SUGCT: variants seen among roughly 807,000 people sequenced by gnomAD.
SUGCT encodes the protein succinyl-CoA:glutarate-CoA transferase.
A neutral mutation model predicts 55.0 loss-of-function variants in SUGCT; 41 were observed. The ratio of observed to expected loss-of-function variants is 0.74; its 90% confidence interval spans 0.58 to 0.97. The LOEUF is 0.97. Ranked by LOEUF, SUGCT falls within the 50% of genes least tolerant of loss-of-function variation. SUGCT has a pLI of 0.00. For missense variants in SUGCT, 568 were observed against 547.8 expected, an observed-to-expected ratio of 1.04 and a Z score of -0.37; for synonymous variants, 187 against 200.4, an observed-to-expected ratio of 0.93 and a Z score of 0.56.
At chr7:41,009,614 T>TCCATCCA in the SUGCT span, among the ~76,000 whole-genome samples, 184 of 151,628 alleles carry the variant, frequency 1.2e-3, no homozygotes, top group Non-Finnish European at 2.4e-3. Flanking sequence ...CATCCTTCCT[T>TCCATCCA]CCATCCACCA....
the SUGCT span, among the ~76,000 whole-genome samples, chr7:40,907,398 G>A: frequency 1.3e-5 from 2 of 152,104 alleles, no homozygotes; most frequent in South Asian, 2.1e-4. Flanking sequence ...TAATTGCAAG[G>A]CAAGGCCCAT....
At chr7:40,552,763 TCCCCAC>T (rs898826275) in intron 12 of SUGCT, among the ~76,000 whole-genome samples, 87 of 99,746 alleles carry the variant, frequency 8.7e-4, no homozygotes, top group Middle Eastern at 4.0e-3. Context: ...CAGCCCCCCA[TCCCCAC>T]CCCCACCACC....
chr7:40,746,743 C>T (rs1417613457), intron 12 of SUGCT, among the ~76,000 whole-genome samples: 1 of 152,210 alleles, frequency 6.6e-6, no homozygotes, highest in Admixed American at 6.5e-5. Flanking sequence ...TTGACCTTTA[C>T]CAACTACCCT....
intron 12 of SUGCT, among the ~76,000 whole-genome samples, chr7:40,537,448 T>A (rs558797100): frequency 6.6e-6 from 1 of 152,300 alleles, no homozygotes; most frequent in African/African-American, 2.4e-5. Flanking sequence ...ACTAATTACT[T>A]GAACATAATT....
In SUGCT at chr7:40,639,733, G is replaced by C. The variant is rs181516476; in HGVS notation, c.1090-109701G>C. On this transcript the variant is annotated intron_variant, in intron 12 of 13. Transcript: ENST00000335693. ...TCGCCACATTGGCCAGTCTGTTCTCGAACTCCTGACCTCAGGTGATCCGCC... is the reference window on the plus strand; with the variant it reads ...TCGCCACATTGGCCAGTCTGTTCTCCAACTCCTGACCTCAGGTGATCCGCC... Among the ~76,000 whole-genome samples, 15 of 148,906 alleles carry C rather than the reference G, an allele frequency of 1.0e-4. No homozygotes were observed. In the East Asian group the frequency reaches 2.6e-3, roughly 26 times the overall value.
At chr7:40,144,654 A>C (rs1057414183) in intron 1 of SUGCT, among the ~76,000 whole-genome samples, 58 of 152,312 alleles carry the variant, frequency 3.8e-4, no homozygotes, top group African/African-American at 1.3e-3. Flanking sequence ...GAGGGAAAGG[A>C]AAGTGGAAGA....
At chr7:40,745,425 T>G (rs1787686132) in intron 12 of SUGCT, among the ~76,000 whole-genome samples, 1 of 152,184 alleles carries the variant, frequency 6.6e-6, no homozygotes, top group Non-Finnish European at 1.5e-5. Context: ...TACTTTCACT[T>G]AAACTTTTAT....
intron 13 of SUGCT, among the ~76,000 whole-genome samples, chr7:40,824,222 A>C (rs2128769898): frequency 6.6e-6 from 1 of 152,222 alleles, no homozygotes; most frequent in East Asian, 1.9e-4. Flanking sequence ...AAAAAAAACA[A>C]AAAACAAAAC....
intron 13 of SUGCT, among the ~76,000 whole-genome samples, chr7:40,815,453 C>A (rs1401850281): frequency 6.6e-6 from 1 of 152,188 alleles, no homozygotes; most frequent in Non-Finnish European, 1.5e-5. Flanking sequence ...AGGATCTCTG[C>A]ACAAGAAGGC....
chr7:40,859,439 GA>G (rs1794372291), intron 13 of SUGCT, among the ~76,000 whole-genome samples: 1 of 152,310 alleles, frequency 6.6e-6, no homozygotes, highest in African/African-American at 2.4e-5. Context: ...GAAGAATGGG[GA>G]TAGTAAAATC....
chr7:40,278,102 G>A (rs976459529), intron 8 of SUGCT, among the ~76,000 whole-genome samples: 11 of 151,960 alleles, frequency 7.2e-5, no homozygotes, highest in Admixed American at 6.6e-4. Flanking sequence ...TGGATATTTG[G>A]GTTGGTTCGG....
intron 6 of SUGCT, among the ~76,000 whole-genome samples, chr7:40,207,742 C>T (rs1050036581): frequency 2.6e-5 from 4 of 151,722 alleles, no homozygotes; most frequent in African/African-American, 9.7e-5. Flanking sequence ...GCTTGAAACC[C>T]AGAGGCAGAG....
At chr7:40,189,264 C>A (rs1275401769) in intron 4 of SUGCT, among the ~76,000 whole-genome samples, 1 of 152,114 alleles carries the variant, frequency 6.6e-6, no homozygotes, top group Non-Finnish European at 1.5e-5. Context: ...ATCGCCTGAA[C>A]CCGGGAGGCA....
At chr7:40,977,268 A>G in the SUGCT span, among the ~76,000 whole-genome samples, 1 of 152,240 alleles carries the variant, frequency 6.6e-6, no homozygotes, top group Non-Finnish European at 1.5e-5. Flanking sequence ...AGCAAATGCA[A>G]TAGACCATCT....
chr7:40,364,425 T>G (rs1435265733), intron 9 of SUGCT, among the ~76,000 whole-genome samples: 1 of 152,154 alleles, frequency 6.6e-6, no homozygotes, highest in East Asian at 1.9e-4. Context: ...GTCTTTACAT[T>G]TTGGCATGAT....
At chr7:40,612,833 T>C (rs1040068795) in intron 12 of SUGCT, among the ~76,000 whole-genome samples, 1 of 152,196 alleles carries the variant, frequency 6.6e-6, no homozygotes. Flanking sequence ...TTAAAGTCAC[T>C]GCTTAAATCC....
intron 12 of SUGCT, among the ~76,000 whole-genome samples, chr7:40,531,016 G>T (rs1055537471): frequency 6.6e-6 from 1 of 152,190 alleles, no homozygotes; most frequent in African/African-American, 2.4e-5. Context: ...GGAGCCTAGC[G>T]AATGGGCTGA....
At chr7:40,611,162 G>T (rs372653612) in intron 12 of SUGCT, among the ~76,000 whole-genome samples, 9 of 152,092 alleles carry the variant, frequency 5.9e-5, no homozygotes, top group African/African-American at 1.9e-4. Context: ...TTAGTAATAT[G>T]TCTCCAGAAT....
the SUGCT span, among the ~76,000 whole-genome samples, chr7:40,944,308 G>T: frequency 6.6e-6 from 1 of 151,262 alleles, no homozygotes; most frequent in South Asian, 2.1e-4. Flanking sequence ...GTCAATTTTG[G>T]CTTTTGTTGC....
Sources: gnomAD v4.1 joint callset for allele counts (sites outside exome capture counted in the v4.1 genomes callset) on GRCh38, gnomAD v4.1.1 for gene constraint, MANE v1.5 for transcripts, NCBI Gene and HGNC (gene_info 2026-07-23, HGNC 2026-07-21) for gene names.